The following TDRD12 variants were observed in gnomAD, a reference collection of about 807,000 sequenced individuals.
TDRD12 encodes the protein putative ATP-dependent RNA helicase TDRD12.
Under a neutral mutation model 133.5 loss-of-function variants are expected in TDRD12, and 158 were observed. The observed-to-expected ratio is 1.18, with a 90% CI of 1.04 to 1.35. The LOEUF is 1.35. Among genes scored for constraint, TDRD12 ranks in the 40% most tolerant of loss-of-function variants. The probability of loss-of-function intolerance (pLI) is 0.00; values close to 1 mark genes in which losing one functional copy is unlikely to be tolerated. For synonymous variants in TDRD12, 460 were observed against 477.9 expected, an observed-to-expected ratio of 0.96 and a Z score of 0.49; for missense variants, 1,443 against 1,321.3, an observed-to-expected ratio of 1.09 and a Z score of -1.43.
chr19:32,784,496 G>A (rs1446033378), intron 11 of TDRD12, among the ~76,000 whole-genome samples: 7 of 152,138 alleles, frequency 4.6e-5, no homozygotes, highest in Non-Finnish European at 1.0e-4. Flanking sequence ...GATGATGCTG[G>A]CCTCATAAAA....
intron 21 of TDRD12, among the ~76,000 whole-genome samples, chr19:32,805,413 G>C (rs1306965208): frequency 6.6e-6 from 1 of 151,420 alleles, no homozygotes; most frequent in African/African-American, 2.4e-5. Flanking sequence ...AAAAAAATAT[G>C]TGTGTAATAT....
chr19:32,814,794 C>A (rs962005819), intron 25 of TDRD12, among the ~76,000 whole-genome samples: 1 of 152,168 alleles, frequency 6.6e-6, no homozygotes, highest in African/African-American at 2.4e-5. Flanking sequence ...GAGAGAGGCT[C>A]CTCCACACAT....
intron 8 of TDRD12, among the ~76,000 whole-genome samples, chr19:32,758,335 T>C (rs1024062675): frequency 2.6e-5 from 4 of 151,952 alleles, no homozygotes; most frequent in African/African-American, 9.7e-5. Flanking sequence ...GCAAAAAAGG[T>C]TAAAGCAAAC....
intron 4 of TDRD12, among the ~76,000 whole-genome samples, chr19:32,745,435 A>C (rs564310320): frequency 6.6e-6 from 1 of 152,338 alleles, no homozygotes; most frequent in Non-Finnish European, 1.5e-5. Flanking sequence ...ATTTTGTCAA[A>C]TTCCCCTTCA....
At chr19:32,740,916 G>A (rs1006285182) in intron 3 of TDRD12, among the ~76,000 whole-genome samples, 3 of 152,188 alleles carry the variant, frequency 2.0e-5, no homozygotes, top group Non-Finnish European at 2.9e-5. Context: ...GATTGTGTTC[G>A]TTAGAATACA....
At chr19:32,773,998 T>C (rs1462755964) in intron 10 of TDRD12, among the ~76,000 whole-genome samples, 2 of 152,186 alleles carry the variant, frequency 1.3e-5, no homozygotes, top group Admixed American at 6.5e-5. Context: ...AGGGATGGCC[T>C]CACGTGGCCA....
At chr19:32,784,011 C>T (rs957709265) in intron 11 of TDRD12, among the ~76,000 whole-genome samples, 1 of 152,104 alleles carries the variant, frequency 6.6e-6, no homozygotes, top group Non-Finnish European at 1.5e-5. Flanking sequence ...CCTGATTGCC[C>T]TGCCTTTCCA....
intron 11 of TDRD12, among the ~76,000 whole-genome samples, chr19:32,787,371 A>T (rs181355776): frequency 6.6e-6 from 1 of 152,174 alleles, no homozygotes; most frequent in East Asian, 1.9e-4. Context: ...CAGGCTACAC[A>T]TGAGTCAGAG....
intron 1 of TDRD12, among the ~76,000 whole-genome samples, chr19:32,721,633 G>A (rs991995087): frequency 6.6e-6 from 1 of 151,900 alleles, no homozygotes; most frequent in Non-Finnish European, 1.5e-5. Flanking sequence ...ACCTGCCTCC[G>A]CCTCCCAAAG....
chr19:32,801,915 C>A, intron 19 of TDRD12, 42 bp downstream of exon 19: 1 of 702,770 alleles, frequency 1.4e-6, no homozygotes, highest in Non-Finnish European at 2.2e-6. Flanking sequence ...GAAGGTTGAG[C>A]TACTAGGAAT....
In TDRD12 at chr19:32,795,392, C is replaced by G. The variant is rs373359009; in HGVS notation, c.1473+579C>G. Among the ~76,000 whole-genome samples, 16 of 151,382 alleles carry G rather than the reference C, an allele frequency of 1.1e-4. No individual in the cohort carries two copies. In the East Asian group the frequency reaches 3.1e-3, roughly 29 times the overall value. On this transcript the variant is annotated intron_variant, in intron 14 of 27. Coordinates refer to ENST00000444215, the Ensembl canonical transcript of TDRD12. The stretch of plus-strand genomic sequence containing the variant: ...AAATGGATATCGAGTGTGTAAAATG[C>G]TGTCACAGACCTGAGTCTATCTATC...
intron 11 of TDRD12, among the ~76,000 whole-genome samples, chr19:32,779,916 T>C (rs909650048): frequency 6.6e-6 from 1 of 152,134 alleles, no homozygotes; most frequent in Admixed American, 6.6e-5. Flanking sequence ...TGGAGCTCTC[T>C]CTGCAGTTCT....
intron 6 of TDRD12, among the ~76,000 whole-genome samples, chr19:32,752,638 C>T (rs1178804052): frequency 2.6e-5 from 4 of 152,042 alleles, no homozygotes; most frequent in Non-Finnish European, 5.9e-5. Flanking sequence ...CTCACATTAC[C>T]TTGGATTCTG....
intron 21 of TDRD12, among the ~76,000 whole-genome samples, chr19:32,805,729 CTTTTT>C (rs397860060): frequency 8.4e-6 from 1 of 118,898 alleles, no homozygotes. Flanking sequence ...TTTTTTTTAT[CTTTTT>C]TTTTTTTTTT....
chr19:32,802,609 T>C (rs535382708), intron 19 of TDRD12, 47 bp from the exon 20 acceptor site: 1 of 1,519,362 alleles, frequency 6.6e-7, no homozygotes, highest in Admixed American at 2.0e-5. Context: ...TTAAAGTAAG[T>C]GCGGTAACTC....
At chr19:32,769,961 A>T in intron 8 of TDRD12, among the ~76,000 whole-genome samples, 1 of 147,368 alleles carries the variant, frequency 6.8e-6, no homozygotes. Context: ...ATATATTTGG[A>T]CGTCTTTTCA....
Position 32,759,446 on chromosome 19 carries a change from G to A in TDRD12, c.865+2316G>A, listed in dbSNP as rs141451771. ...TTTTTTTTGAGACGGGGTCTTGCTC[G>A]GTTGCCCAGGCTTGATTGCAGTAGT... On this transcript the variant is annotated intron_variant, in intron 8 of 27. Transcript: ENST00000444215. 2.0e-3 allele frequency among the ~76,000 whole-genome samples: 304 copies of A among 151,252 alleles called. 2 individuals carry two copies. The East Asian group carries it at 0.024, about 12-fold the overall frequency.
intron 14 of TDRD12, among the ~76,000 whole-genome samples, 172 bp downstream of exon 14, chr19:32,794,985 C>T (rs1971182349): frequency 6.6e-6 from 1 of 152,212 alleles, no homozygotes; most frequent in African/African-American, 2.4e-5. Context: ...CTGATGCTCT[C>T]ATACTGATTC....
At chr19:32,826,854 A>C (rs1427872921) in intron 9 of TDRD12, 105 bp downstream of exon 32, 3 of 690,330 alleles carry the variant, frequency 4.3e-6, no homozygotes, top group African/African-American at 1.9e-5. Flanking sequence ...TGGACCGTTC[A>C]TGTCAAGCCC....
Sources: allele counts gnomAD v4.1 joint callset (sites outside exome capture counted in the v4.1 genomes callset), GRCh38; gene constraint gnomAD v4.1.1; transcripts MANE v1.5; gene names NCBI Gene and HGNC (gene_info 2026-07-23, HGNC 2026-07-21).